CHL1: variants seen among roughly 807,000 people sequenced by gnomAD.
CHL1 encodes the protein cell adhesion molecule L1 like.
CHL1 carries 96 observed loss-of-function variants against 141.9 expected under a neutral mutation model. The ratio of observed to expected loss-of-function variants is 0.68; its 90% CI spans 0.57 to 0.80. The LOEUF is 0.80. Among genes scored for constraint, CHL1 ranks in the 30% least tolerant of loss-of-function variants. CHL1 has a pLI of 0.00. For synonymous variants in CHL1, 613 were observed against 502.2 expected (o/e 1.22, Z -2.95); for missense variants, 1,820 against 1,457.2 (o/e 1.25, Z -4.05).
intron 18 of CHL1, among the ~76,000 whole-genome samples, chr3:383,507 C>T (rs913871534): frequency 2.0e-5 from 3 of 151,888 alleles, no homozygotes; most frequent in Non-Finnish European, 4.4e-5. Flanking sequence ...TTTAAAAAAG[C>T]AGGTTCAGAA....
chr3:388,752 A>G (rs539691673), intron 19 of CHL1, among the ~76,000 whole-genome samples: 3 of 152,272 alleles, frequency 2.0e-5, no homozygotes, highest in South Asian at 2.1e-4. Flanking sequence ...TATTTACATG[A>G]TCTCTCTCTT....
intron 2 of CHL1, among the ~76,000 whole-genome samples, chr3:277,947 A>G (rs9310786): frequency 0.079 from 12,029 of 152,316 alleles, 510 homozygotes; most frequent in Middle Eastern, 0.12. Context: ...TAACAGAAAC[A>G]TAAAATGTAG....
intron 1 of CHL1, among the ~76,000 whole-genome samples, chr3:223,702 C>G (rs186365382): frequency 6.6e-6 from 1 of 152,246 alleles, no homozygotes; most frequent in Admixed American, 6.5e-5. Flanking sequence ...ATTGCAGGCC[C>G]AGTGAAGCAG....
rs73100338 is a variant in CHL1, at chr3:273,367, C to G, written c.-95+28675C>G. Among the ~76,000 whole-genome samples, 778 of 152,276 alleles carry G rather than the reference C, an allele frequency of 5.1e-3. 10 individuals are homozygous for G. The highest frequency in any genetic ancestry group is 0.023 in the South Asian group (109 of 4,818). ...GAGTTCCTTACCCAAGAACCTGAAT[C>G]AATATGTTTTAGTTTAGCTATGTTT... On this transcript the variant is annotated intron_variant, in intron 2 of 27. Transcript: ENST00000256509.
Position 275,686 on chromosome 3 carries a change from T to C in CHL1, c.-95+30994T>C, listed in dbSNP as rs1414751584. ...CCAAGAGTCTAACTTCATATATTCATGAGAATTTTGAATGAAGAATTCAAT... is the reference window on the plus strand; with the variant it reads ...CCAAGAGTCTAACTTCATATATTCACGAGAATTTTGAATGAAGAATTCAAT... On this transcript the variant is annotated intron_variant, in intron 2 of 27. Transcript: ENST00000256509. Among the ~76,000 whole-genome samples, 9 of 152,296 alleles carry C rather than the reference T, an allele frequency of 5.9e-5. No homozygotes were observed. The South Asian group carries it at 6.2e-4, about 11-fold the overall frequency.
At chr3:198,038 G>A (rs1698534191) in intron 1 of CHL1, 4 of 316,086 alleles carry the variant, frequency 1.3e-5, no homozygotes, top group Non-Finnish European at 6.4e-6. Flanking sequence ...GGGCAGGGCC[G>A]GGGAACTCCT....
At position 383,916 on chromosome 3, in the gene CHL1, C is replaced by A. The variant is rs773109789; in HGVS notation, c.2247+30C>A. ...GTATTTCTTAATACGTTATGTATTT[C>A]TTTGTGCTTTTCTCTTCCTCTTAGG... On this transcript the variant is annotated intron_variant, in intron 19 of 27. Transcript: ENST00000256509. The A allele has an allele frequency of 5.4e-6, 8 of 1,488,248 alleles. No homozygotes were observed. In the South Asian group the frequency reaches 5.9e-5, roughly 11 times the overall value. The allele number at this position is 1,488,248 out of a possible 1,614,324, so 92.2% of individuals were successfully genotyped here. A position where few individuals can be genotyped will look rare whatever the true frequency, so the allele number is the denominator to read the frequency against.
At chr3:384,076 T>A (rs1707379484) in intron 19 of CHL1, among the ~76,000 whole-genome samples, 190 bp downstream of exon 19, 1 of 152,130 alleles carries the variant, frequency 6.6e-6, no homozygotes, top group Non-Finnish European at 1.5e-5. Flanking sequence ...TGAAATCGAG[T>A]TTAACACTGG....
intron 14 of CHL1, among the ~76,000 whole-genome samples, chr3:365,705 C>G (rs571388949): frequency 6.6e-6 from 1 of 152,206 alleles, no homozygotes; most frequent in South Asian, 2.1e-4. Flanking sequence ...ACTCCCTTCC[C>G]CAAGAAATAA....
intron 1 of CHL1, among the ~76,000 whole-genome samples, chr3:200,591 C>G (rs1462384015): frequency 6.6e-6 from 1 of 152,202 alleles, no homozygotes; most frequent in Non-Finnish European, 1.5e-5. Flanking sequence ...TAAGTTAACA[C>G]AGCTAATGAG....
intron 1 of CHL1, chr3:197,914 G>A: frequency 2.4e-6 from 1 of 415,480 alleles, no homozygotes; most frequent in South Asian, 1.7e-5. Flanking sequence ...TGGGGAGGCA[G>A]CACGGAGAAA....
At chr3:338,359 C>T (rs1409888060) in intron 5 of CHL1, among the ~76,000 whole-genome samples, 1 of 152,100 alleles carries the variant, frequency 6.6e-6, no homozygotes, top group East Asian at 1.9e-4. Context: ...AAAAATATTA[C>T]TGTTGTCCAA....
At chr3:228,230 C>G (rs544359805) in intron 1 of CHL1, among the ~76,000 whole-genome samples, 11 of 152,290 alleles carry the variant, frequency 7.2e-5, no homozygotes, top group East Asian at 5.8e-4. Context: ...AATGAAAACA[C>G]AGGGGAATGT....
intron 2 of CHL1, among the ~76,000 whole-genome samples, chr3:287,145 T>C (rs1341925568): frequency 2.0e-5 from 3 of 152,140 alleles, no homozygotes; most frequent in Non-Finnish European, 4.4e-5. Flanking sequence ...TTCAAACGCC[T>C]CTGACATTTT....
At position 358,272 on chromosome 3, in the gene CHL1, T is replaced by C. The variant is rs551573395; in HGVS notation, c.1166-2012T>C. 1.4e-4 allele frequency among the ~76,000 whole-genome samples: 22 copies of C among 152,244 alleles called. 1 individual carries two copies. Among genetic ancestry groups the C allele is most frequent in the African/African-American group, 5.3e-4 (22 of 41,562 alleles). ...CACATTCCTGGCTCCCTTCCGCCAT[T>C]TTGAAAGCCAGCTACACTGCATCTC... is the stretch of plus-strand genomic sequence containing the variant. On this transcript the variant is annotated intron_variant, in intron 11 of 27. Coordinates refer to ENST00000256509, the MANE Select transcript of CHL1 (RefSeq NM_006614.4).
intron 5 of CHL1, among the ~76,000 whole-genome samples, chr3:335,407 A>T (rs1575097230): frequency 2.0e-5 from 3 of 152,304 alleles, no homozygotes; most frequent in Admixed American, 2.0e-4. Context: ...ATTTCTCTGT[A>T]GTCCTAAGTG....
At chr3:257,645 C>T (rs1442944155) in intron 2 of CHL1, among the ~76,000 whole-genome samples, 1 of 152,124 alleles carries the variant, frequency 6.6e-6, no homozygotes, top group Non-Finnish European at 1.5e-5. Flanking sequence ...AGCCACTGTG[C>T]CTGGCTCTCT....
chr3:379,560 G>C (rs548465556), intron 16 of CHL1, among the ~76,000 whole-genome samples: 2 of 152,114 alleles, frequency 1.3e-5, no homozygotes, highest in Admixed American at 6.5e-5. Context: ...TAAGTATTTT[G>C]AGCAGTCTCA....
intron 11 of CHL1, among the ~76,000 whole-genome samples, chr3:358,048 G>A (rs73814711): frequency 0.017 from 2,587 of 152,262 alleles, 71 homozygotes; most frequent in African/African-American, 0.059. Context: ...CAACAGGATT[G>A]TATTAGTTTT....
Sources: allele counts gnomAD v4.1 joint callset (sites outside exome capture counted in the v4.1 genomes callset), GRCh38; gene constraint gnomAD v4.1.1; transcripts MANE v1.5; gene names NCBI Gene and HGNC (gene_info 2026-07-23, HGNC 2026-07-21).